The following SH3GL3 variants were observed in gnomAD, a reference collection of about 807,000 sequenced individuals.
SH3GL3 encodes endophilin-A3.
Under a neutral mutation model 47.7 loss-of-function variants are expected in SH3GL3, and 33 were observed. That is an observed-to-expected ratio of 0.69 (90% confidence interval 0.52 to 0.92). SH3GL3 has a LOEUF of 0.92. Ranked by LOEUF, SH3GL3 falls within the 40% of genes least tolerant of loss-of-function variation. The pLI, the probability that SH3GL3 is intolerant of heterozygous loss-of-function variation, is 0.00. For synonymous variants in SH3GL3, 155 were observed against 148.8 expected (o/e 1.04, Z -0.30); for missense variants, 363 against 417.8 (o/e 0.87, Z 1.14).
At chr15:83,516,525 G>A (rs550980797) in intron 1 of SH3GL3, among the ~76,000 whole-genome samples, 2 of 152,136 alleles carry the variant, frequency 1.3e-5, no homozygotes, top group Admixed American at 6.5e-5. Flanking sequence ...CATGGTGCTG[G>A]CATTTGCTTG....
intron 1 of SH3GL3, among the ~76,000 whole-genome samples, chr15:83,535,271 A>G (rs1043414928): frequency 6.6e-6 from 1 of 152,142 alleles, no homozygotes; most frequent in African/African-American, 2.4e-5. Context: ...GTCAGCTTCA[A>G]CCTTCTATGT....
At chr15:83,502,413 G>A (rs976843336) in intron 1 of SH3GL3, among the ~76,000 whole-genome samples, 5 of 152,230 alleles carry the variant, frequency 3.3e-5, no homozygotes, top group African/African-American at 9.6e-5. Context: ...CCACACCCAC[G>A]TGTGCATACT....
intron 1 of SH3GL3, among the ~76,000 whole-genome samples, chr15:83,486,763 CAG>C (rs1377693333): frequency 1.3e-5 from 2 of 152,126 alleles, no homozygotes; most frequent in East Asian, 1.9e-4. Flanking sequence ...GCTTAAATAA[CAG>C]ATGTTTATTT....
rs183318792 is a variant in SH3GL3, at chr15:83,591,772, G to A, written c.838+3001G>A. ...GCCATCTCGGCTCACTGCAAGCTCCGCCTCCTGGGTTCAGGCCATTCTCCT... is the reference window on the plus strand; with the variant it reads ...GCCATCTCGGCTCACTGCAAGCTCCACCTCCTGGGTTCAGGCCATTCTCCT... On this transcript the variant is annotated intron_variant, in intron 8 of 8. Transcript: ENST00000427482. Among the ~76,000 whole-genome samples, 223 of 152,184 alleles carry A rather than the reference G, an allele frequency of 1.5e-3. 1 individual carries two copies. Among genetic ancestry groups the A allele is most frequent in the Admixed American group, 0.013 (192 of 15,294 alleles).
At chr15:83,621,224 C>G (rs1019967620), downstream of SH3GL3, among the ~76,000 whole-genome samples, 7 of 152,234 alleles carry the variant, frequency 4.6e-5, no homozygotes, top group Admixed American at 3.9e-4. Context: ...GCATTCACGA[C>G]TTAGCTAACT....
chr15:83,485,510 G>A (rs897706252), intron 1 of SH3GL3, among the ~76,000 whole-genome samples: 3 of 152,096 alleles, frequency 2.0e-5, no homozygotes, highest in Middle Eastern at 3.2e-3. Flanking sequence ...TTGAGGTGGG[G>A]TCTTGCTCTG....
At chr15:83,535,265 G>A (rs531722002) in intron 1 of SH3GL3, among the ~76,000 whole-genome samples, 1 of 152,086 alleles carries the variant, frequency 6.6e-6, no homozygotes, top group African/African-American at 2.4e-5. Flanking sequence ...AACATTGTCA[G>A]CTTCAACCTT....
rs570684695 is a variant in SH3GL3, at chr15:83,589,455, C to A, written c.838+684C>A. Among the ~76,000 whole-genome samples the A allele has an allele frequency of 1.8e-3, 270 of 152,228 alleles. 1 individual carries two copies. Among genetic ancestry groups the A allele is most frequent in the African/African-American group, 6.3e-3 (260 of 41,534 alleles). On this transcript the variant is annotated intron_variant, in intron 8 of 8. Transcript: ENST00000427482. ...GCAATGGCATGAACATGGCTCGGTGCAGCCTTGACCTCCTGGGCTCAAGCA... is the reference window on the plus strand; with the variant it reads ...GCAATGGCATGAACATGGCTCGGTGAAGCCTTGACCTCCTGGGCTCAAGCA...
chr15:83,546,488 C>T (rs192906530), intron 1 of SH3GL3, among the ~76,000 whole-genome samples: 6 of 152,160 alleles, frequency 3.9e-5, no homozygotes, highest in African/African-American at 1.4e-4. Context: ...AGGCCTGGAA[C>T]TGAGGAAATG....
rs10700817 is a variant in SH3GL3 at position 83,618,482 on chromosome 15, A to ATTG, written c.*197_*198insGTT. ...TTTCTTGTCCTTGCTACATGAAAAT[A>ATTG]TTTTCTTTTTTGCTTCCTGTCCTAA... On this transcript the variant is annotated 3_prime_UTR_variant, in exon 9 of 9. Transcript: ENST00000427482. 0.7 allele frequency: 389,768 copies of ATTG among 553,598 alleles called. 139,487 individuals carry two copies. Among genetic ancestry groups the ATTG allele is most frequent in the African/African-American group, 0.9 (47,759 of 53,300 alleles). The allele number at this position is 553,598 out of a possible 1,614,324, so 34.3% of individuals were successfully genotyped here.
At chr15:83,466,252 T>C (rs1322423164) in intron 1 of SH3GL3, among the ~76,000 whole-genome samples, 1 of 152,182 alleles carries the variant, frequency 6.6e-6, no homozygotes, top group Non-Finnish European at 1.5e-5. Flanking sequence ...GGTATGGATG[T>C]ATCACAGTTT....
intron 8 of SH3GL3, among the ~76,000 whole-genome samples, chr15:83,594,264 G>T (rs1055056073): frequency 6.6e-6 from 1 of 152,130 alleles, no homozygotes; most frequent in African/African-American, 2.4e-5. Flanking sequence ...TTTAGTTTTA[G>T]TTTGTTAATA....
In SH3GL3 at chr15:83,565,512, T is replaced by C. The variant is rs578101561; in HGVS notation, c.187+306T>C. 34 of 256,898 alleles carry C rather than the reference T, an allele frequency of 1.3e-4. No homozygotes were observed. In the South Asian group the frequency reaches 2.4e-3, roughly 18 times the overall value. 15.9% of individuals were successfully genotyped at this position (256,898 alleles called of 1,614,324 possible). A position where few individuals can be genotyped will look rare whatever the true frequency, so the allele number is the denominator to read the frequency against. ...AGAAAGCCACTAAACATTTGGCAAATATTTTCTTCCTTATTTCCTCTTTAT... is the reference window on the plus strand; with the variant it reads ...AGAAAGCCACTAAACATTTGGCAAACATTTTCTTCCTTATTTCCTCTTTAT... On this transcript the variant is annotated intron_variant, in intron 3 of 8. Coordinates refer to ENST00000427482, the MANE Select transcript of SH3GL3 (RefSeq NM_003027.5).
At chr15:83,508,175 C>A (rs189514369) in intron 1 of SH3GL3, among the ~76,000 whole-genome samples, 49 of 151,972 alleles carry the variant, frequency 3.2e-4, no homozygotes, top group African/African-American at 1.2e-3. Context: ...CTCCTGACCT[C>A]GTGATCTGCT....
chr15:83,627,135 A>G, the SH3GL3 span, among the ~76,000 whole-genome samples: 1,036 of 152,238 alleles, frequency 6.8e-3, 12 homozygotes, highest in African/African-American at 0.023. Flanking sequence ...GGTGGCTCAC[A>G]CCTTGTAATC....
chr15:83,449,714 C>CTTT (rs11361312), intron 1 of SH3GL3, among the ~76,000 whole-genome samples: 1 of 125,920 alleles, frequency 7.9e-6, no homozygotes, highest in African/African-American at 2.9e-5. Context: ...CTTATTTAGT[C>CTTT]TTTTTTTTTT....
At chr15:83,550,125 C>A (rs529176866) in intron 1 of SH3GL3, among the ~76,000 whole-genome samples, 2 of 152,310 alleles carry the variant, frequency 1.3e-5, no homozygotes, top group South Asian at 4.1e-4. Flanking sequence ...TTACATATTA[C>A]CTTTACTATT....
At chr15:83,615,159 A>G (rs1327343726) in intron 8 of SH3GL3, among the ~76,000 whole-genome samples, 2 of 152,160 alleles carry the variant, frequency 1.3e-5, no homozygotes, top group Non-Finnish European at 2.9e-5. Context: ...GAAAAAAAGT[A>G]TGAACTAGTC....
intron 6 of SH3GL3, among the ~76,000 whole-genome samples, chr15:83,579,695 C>T (rs1040325470): frequency 6.6e-6 from 1 of 152,192 alleles, no homozygotes; most frequent in Non-Finnish European, 1.5e-5. Flanking sequence ...GTTGATGGTC[C>T]CTGTCATGGT....
Sources: gnomAD v4.1 joint callset for allele counts (sites outside exome capture counted in the v4.1 genomes callset) on GRCh38, gnomAD v4.1.1 for gene constraint, MANE v1.5 for transcripts, NCBI Gene and HGNC (gene_info 2026-07-23, HGNC 2026-07-21) for gene names.